THNSL1: variants seen among roughly 807,000 people sequenced by gnomAD.
The protein encoded by THNSL1 is threonine synthase-like 1.
In THNSL1, 48 loss-of-function variants were observed where a neutral mutation model predicts 50.4. That is an observed-to-expected ratio of 0.95 (90% CI 0.76 to 1.21). The LOEUF is 1.21. THNSL1 is among the 50% of genes most tolerant of loss of function. The pLI is 0.00. For missense variants in THNSL1, 896 were observed against 871.7 expected, an observed-to-expected ratio of 1.03 and a Z score of -0.35; for synonymous variants, 309 against 306.1, an observed-to-expected ratio of 1.01 and a Z score of -0.10.
chr10:25,004,166 C>G, the THNSL1 span, among the ~76,000 whole-genome samples: 1 of 152,254 alleles, frequency 6.6e-6, no homozygotes, highest in South Asian at 2.1e-4. Context: ...TTTTCTTTAT[C>G]CAGTCTATCA....
At chr10:24,992,452 T>C in the THNSL1 span, among the ~76,000 whole-genome samples, 1 of 152,178 alleles carries the variant, frequency 6.6e-6, no homozygotes, top group Non-Finnish European at 1.5e-5. Context: ...AGGACAACAC[T>C]TTCCTGTGTT....
rs764730530 is a variant in THNSL1 at position 25,024,632 on chromosome 10, C to A, written c.1409C>A (p.Ser470Tyr). 39 of 1,614,118 alleles carry A rather than the reference C, an allele frequency of 2.4e-5. No individual in the cohort carries two copies. The highest frequency in any genetic ancestry group is 3.1e-5 in the Non-Finnish European group (37 of 1,180,056). The change falls in exon 3 of 3, where the codon TCC (serine) becomes TAC (tyrosine). Residue 470 changes from serine (S) to tyrosine (Y), a missense_variant. Ser to Tyr is a moderately radical substitution (Grantham distance 144, BLOSUM62 -2). Coordinates refer to ENST00000376356, the MANE Select transcript of THNSL1 (RefSeq NM_024838.5). ...GGAACAATCTTAAGTTCGGCTAACT[C>A]CATAAACTGGGGCCGACTACTTCCG... ...EYGTILSSANSINWGRLLPQV... is the reference protein window; with the variant it reads ...EYGTILSSANYINWGRLLPQV...
the THNSL1 span, among the ~76,000 whole-genome samples, chr10:24,961,433 A>G: frequency 1.3e-5 from 2 of 152,228 alleles, no homozygotes; most frequent in Non-Finnish European, 2.9e-5. Flanking sequence ...AACTATTTCT[A>G]GAGGATAAAC....
At chr10:24,952,826 T>C in the THNSL1 span, among the ~76,000 whole-genome samples, 2 of 151,330 alleles carry the variant, frequency 1.3e-5, no homozygotes, top group Non-Finnish European at 2.9e-5. The surrounding 1 kb of genome is among the most constrained non-coding windows in gnomAD (Gnocchi z 5.1). Context: ...CCGCTACCGC[T>C]CCCCCTGAGC....
the THNSL1 span, among the ~76,000 whole-genome samples, chr10:25,009,749 GATAGTGA>G: frequency 6.6e-6 from 1 of 152,134 alleles, no homozygotes; most frequent in African/African-American, 2.4e-5. Flanking sequence ...CTGTTCTTGG[GATAGTGA>G]ATAAGTCACA....
the THNSL1 span, chr10:24,995,718 A>T: frequency 2.5e-6 from 4 of 1,614,070 alleles, no homozygotes; most frequent in Non-Finnish European, 3.4e-6. Context: ...TTTTATCAAC[A>T]TAAATTGGTT....
rs1034351061 is a variant in THNSL1, at chr10:25,024,967, A to G, written c.1744A>G (p.Lys582Glu). ...LERHLHLMAN[K>E]DGQLMTELFN... ...ACGACATTTACACTTGATGGCTAATAAAGATGGACAGCTAATGACAGAATT... is the reference window on the plus strand; with the variant it reads ...ACGACATTTACACTTGATGGCTAATGAAGATGGACAGCTAATGACAGAATT... Residue 582 changes from lysine to glutamate, a missense_variant, in exon 3 of 3, where the codon AAA becomes GAA. Lys to Glu is a moderately conservative substitution (Grantham distance 56). Coordinates refer to ENST00000376356, the MANE Select transcript of THNSL1 (RefSeq NM_024838.5). 3 of 1,614,062 alleles carry G rather than the reference A, an allele frequency of 1.9e-6. No individual in the cohort carries two copies. In the African/African-American group the frequency reaches 4.0e-5, roughly 22 times the overall value.
rs1231201404 is a variant in THNSL1, at chr10:25,023,441, G to C, written c.218G>C (p.Arg73Thr). The C allele has an allele frequency of 6.2e-7, 1 of 1,614,012 alleles. No homozygotes were observed. Among genetic ancestry groups the C allele is most frequent in the East Asian group, 2.2e-5 (1 of 44,884 alleles). Reference protein sequence around the residue: ...PPGAGKTTVGRIIGQKLGCCV... With the variant: ...PPGAGKTTVGTIIGQKLGCCV... ...GGTGCTGGGAAAACAACAGTAGGCA[G>C]AATAATAGGTCAGAAACTAGGTTGT... Residue 73 changes from arginine (R) to threonine (T), a missense_variant, in exon 3 of 3, where the codon AGA (arginine) becomes ACA (threonine). Physicochemically the swap from Arg to Thr is moderately conservative, Grantham distance 71 (BLOSUM62 -1). Coordinates refer to ENST00000376356, the MANE Select transcript of THNSL1 (RefSeq NM_024838.5).
At chr10:24,994,087 G>A in the THNSL1 span, among the ~76,000 whole-genome samples, 1 of 152,168 alleles carries the variant, frequency 6.6e-6, no homozygotes, top group African/African-American at 2.4e-5. Flanking sequence ...TGAGAAGACA[G>A]TGTCCTCTGA....
At chr10:24,964,802 C>T in the THNSL1 span, among the ~76,000 whole-genome samples, 2 of 152,166 alleles carry the variant, frequency 1.3e-5, no homozygotes, top group Non-Finnish European at 2.9e-5. Context: ...GTGGCTCACG[C>T]CTGTAATCCT....
chr10:25,007,394 C>T, the THNSL1 span, among the ~76,000 whole-genome samples: 2 of 152,036 alleles, frequency 1.3e-5, no homozygotes, highest in Non-Finnish European at 2.9e-5. Context: ...CCTTTTACCA[C>T]GTTATATTAT....
upstream of THNSL1, among the ~76,000 whole-genome samples, chr10:25,014,501 T>G (rs763014958): frequency 6.6e-6 from 1 of 151,984 alleles, no homozygotes. Context: ...GAATAAAGAC[T>G]GTTCCTATAA....
the THNSL1 span, among the ~76,000 whole-genome samples, chr10:24,956,925 G>A: frequency 3.3e-5 from 5 of 152,136 alleles, no homozygotes; most frequent in South Asian, 2.1e-4. Flanking sequence ...ACATGGGAGG[G>A]ATCTAGGTTG....
At chr10:24,990,136 G>A in the THNSL1 span, among the ~76,000 whole-genome samples, 1 of 151,880 alleles carries the variant, frequency 6.6e-6, no homozygotes, top group Non-Finnish European at 1.5e-5. Flanking sequence ...AAACTCAGGG[G>A]CATAAAAATG....
chr10:24,989,129 T>G, the THNSL1 span, among the ~76,000 whole-genome samples: 1 of 152,148 alleles, frequency 6.6e-6, no homozygotes, highest in East Asian at 1.9e-4. Flanking sequence ...ATCATTTAGG[T>G]GTAAAAACCT....
chr10:25,013,937 C>T (rs149797390), upstream of THNSL1, among the ~76,000 whole-genome samples: 8 of 147,834 alleles, frequency 5.4e-5, no homozygotes, highest in South Asian at 4.4e-4. Context: ...AGTGAAACTC[C>T]GTCTTGAAAA....
chr10:24,994,104 C>T, the THNSL1 span, among the ~76,000 whole-genome samples: 1 of 152,100 alleles, frequency 6.6e-6, no homozygotes, highest in East Asian at 1.9e-4. Context: ...CTGAAAACAG[C>T]CTTGAGGGTC....
At chr10:24,982,942 C>G in the THNSL1 span, 1 of 152,184 alleles carries the variant, frequency 6.6e-6, no homozygotes, top group East Asian at 1.9e-4. Flanking sequence ...AGCATAATAT[C>G]CATAAGGCTA....
chr10:24,969,024 G>C, the THNSL1 span, among the ~76,000 whole-genome samples: 1 of 152,320 alleles, frequency 6.6e-6, no homozygotes, highest in South Asian at 2.1e-4. Context: ...CTCCAGAGTA[G>C]CTGGGATTAC....
Sources: allele counts gnomAD v4.1 joint callset (sites outside exome capture counted in the v4.1 genomes callset), GRCh38; gene constraint gnomAD v4.1.1; non-coding constraint Gnocchi (gnomAD v3.1); transcripts MANE v1.5; gene names NCBI Gene and HGNC (gene_info 2026-07-23, HGNC 2026-07-21).